Variants in RCL1 observed in about 807,000 individuals in gnomAD.
RCL1 encodes the protein RNA 3'-terminal phosphate cyclase-like protein.
RCL1 carries 24 observed loss-of-function variants against 42.4 expected under a neutral mutation model. The ratio of observed to expected loss-of-function variants is 0.57; its 90% CI spans 0.41 to 0.80. The LOEUF (loss-of-function observed/expected upper bound fraction) is 0.80, where lower values mean the gene tolerates loss of function less well. Ranked by LOEUF, RCL1 falls within the 30% of genes least tolerant of loss-of-function variation. The probability of loss-of-function intolerance (pLI) is 0.00; values close to 1 mark genes in which losing one functional copy is unlikely to be tolerated. For synonymous variants in RCL1, 228 were observed against 177.3 expected (o/e 1.29, Z -2.27); for missense variants, 578 against 467.9 (o/e 1.24, Z -2.17).
intron 8 of RCL1, among the ~76,000 whole-genome samples, chr9:4,855,755 A>G (rs181369480): frequency 4.4e-4 from 67 of 152,290 alleles, no homozygotes; most frequent in African/African-American, 1.6e-3. Flanking sequence ...CTAGTCTCTT[A>G]CACAGTCTTC....
chr9:4,817,110 C>T (rs920968783), intron 1 of RCL1, among the ~76,000 whole-genome samples: 1 of 146,224 alleles, frequency 6.8e-6, no homozygotes, highest in Non-Finnish European at 1.5e-5. Context: ...AGCCACTGTT[C>T]CCGGCCAATA....
chr9:4,858,433 G>A (rs80184488), intron 8 of RCL1, among the ~76,000 whole-genome samples: 4,978 of 152,202 alleles, frequency 0.033, 268 homozygotes, highest in African/African-American at 0.11. Flanking sequence ...AGAAACCGTT[G>A]CCTAGCCCAA....
At chr9:4,857,591 G>A (rs1259005549) in intron 8 of RCL1, among the ~76,000 whole-genome samples, 1 of 150,790 alleles carries the variant, frequency 6.6e-6, no homozygotes, top group Non-Finnish European at 1.5e-5. Flanking sequence ...AAGTTTTTGT[G>A]TGGGTGTATG....
In RCL1 at chr9:4,822,503, C is replaced by G. The variant is rs560605076; in HGVS notation, c.137-1045C>G. On this transcript the variant is annotated intron_variant, in intron 1 of 8. Transcript: ENST00000381750. The stretch of plus-strand genomic sequence containing the variant: ...TTTCCCCTTCTTTTTTCCTCTCCCC[C>G]TCTCTTTCTCTTTTAAACAATGACC... Among the ~76,000 whole-genome samples the G allele has an allele frequency of 2.6e-5, 4 of 152,130 alleles. No individual in the cohort carries two copies. In the East Asian group the frequency reaches 7.7e-4, roughly 29 times the overall value.
At chr9:4,851,104 T>G (rs141238207) in intron 8 of RCL1, among the ~76,000 whole-genome samples, 36 of 152,312 alleles carry the variant, frequency 2.4e-4, no homozygotes, top group African/African-American at 7.9e-4. Context: ...GCAGAGATGC[T>G]CAAGATATGA....
intron 1 of RCL1, among the ~76,000 whole-genome samples, chr9:4,819,184 G>A (rs936451525): frequency 1.3e-5 from 2 of 152,196 alleles, no homozygotes; most frequent in Non-Finnish European, 2.9e-5. Flanking sequence ...TTGGCAGAAT[G>A]GTTGAAGGAT....
chr9:4,796,125 ATGTT>A (rs1319241203), intron 1 of RCL1, among the ~76,000 whole-genome samples: 1 of 152,132 alleles, frequency 6.6e-6, no homozygotes, highest in African/African-American at 2.4e-5. Flanking sequence ...GTACATGTGC[ATGTT>A]TGTTACATGG....
At position 4,805,685 on chromosome 9, in the gene RCL1, G is replaced by C. The variant is rs780744091; in HGVS notation, c.136+12458G>C. Among the ~76,000 whole-genome samples the C allele has an allele frequency of 7.8e-4, 119 of 152,224 alleles. 2 individuals are homozygous for C. Among genetic ancestry groups the C allele is most frequent in the Middle Eastern group, 3.4e-3 (1 of 294 alleles). ...CAGGTGACTGGCAGTGGTGGGTGTA[G>C]CTGAGGGCTTGCGGGTGGTGCAGTG... On this transcript the variant is annotated intron_variant, in intron 1 of 8. Transcript: ENST00000381750.
chr9:4,828,635 G>A (rs1368680759), intron 3 of RCL1, among the ~76,000 whole-genome samples: 2 of 151,736 alleles, frequency 1.3e-5, no homozygotes, highest in Admixed American at 6.6e-5. Flanking sequence ...ATTTAGATTG[G>A]AAGAGAGAAA....
chr9:4,828,546 G>GT (rs35253567), intron 3 of RCL1, among the ~76,000 whole-genome samples: 98,366 of 145,486 alleles, frequency 0.68, 33,810 homozygotes, highest in East Asian at 0.91. Context: ...TTAATTAAGT[G>GT]TTTTTTTTTT....
intron 8 of RCL1, among the ~76,000 whole-genome samples, chr9:4,857,855 T>C (rs1474538920): frequency 1.3e-5 from 2 of 151,716 alleles, no homozygotes; most frequent in Admixed American, 6.6e-5. Flanking sequence ...TTCACTTCCC[T>C]AATAACCAGT....
chr9:4,815,432 A>C (rs759933077), intron 1 of RCL1, among the ~76,000 whole-genome samples: 6 of 145,324 alleles, frequency 4.1e-5, no homozygotes, highest in Non-Finnish European at 9.0e-5. Flanking sequence ...TTGAAGTCTT[A>C]AGCTGCAGTA....
Position 4,807,497 on chromosome 9 carries a change from C to A in RCL1, c.136+14270C>A, listed in dbSNP as rs910894032. On this transcript the variant is annotated intron_variant, in intron 1 of 8. Coordinates refer to ENST00000381750, the MANE Select transcript of RCL1 (RefSeq NM_005772.5). ...GTAATTTTTATTTTCTTTGAAACTCCTATCCTTTGACCTATGGTTATTTTT... is the reference window on the plus strand; with the variant it reads ...GTAATTTTTATTTTCTTTGAAACTCATATCCTTTGACCTATGGTTATTTTT... Among the ~76,000 whole-genome samples the A allele has an allele frequency of 3.9e-5, 6 of 152,058 alleles. No homozygotes were observed. The East Asian group carries it at 7.7e-4, about 20-fold the overall frequency.
chr9:4,844,732 TTC>T (rs765373569), intron 7 of RCL1, 51 bp downstream of exon 7: 1 of 1,556,332 alleles, frequency 6.4e-7, no homozygotes. Context: ...GCAGTTTGTT[TTC>T]TCATTCTCAT....
chr9:4,822,429 GTCT>G (rs1816624836), intron 1 of RCL1, among the ~76,000 whole-genome samples: 1 of 152,158 alleles, frequency 6.6e-6, no homozygotes, highest in African/African-American at 2.4e-5. Flanking sequence ...GACTGGAGGA[GTCT>G]TCACTTCTCC....
intron 3 of RCL1, among the ~76,000 whole-genome samples, chr9:4,831,544 G>A (rs964760685): frequency 6.6e-6 from 1 of 152,048 alleles, no homozygotes; most frequent in Non-Finnish European, 1.5e-5. Flanking sequence ...TGGCATGATC[G>A]TGGCTCACCA....
intron 8 of RCL1, 109 bp from the exon 9 acceptor site, chr9:4,860,016 T>G (rs1278417755): frequency 5.7e-6 from 4 of 699,082 alleles, no homozygotes; most frequent in Non-Finnish European, 9.0e-6. Context: ...GGTCTTAACT[T>G]CAGCCCTCTA....
At chr9:4,815,665 C>T (rs78914544) in intron 1 of RCL1, among the ~76,000 whole-genome samples, 7,820 of 151,886 alleles carry the variant, frequency 0.051, 273 homozygotes, top group African/African-American at 0.092. Context: ...GCTGCTTGCT[C>T]CTGGAGCAAG....
At chr9:4,845,022 C>T (rs1239571095) in intron 7 of RCL1, among the ~76,000 whole-genome samples, 1 of 152,130 alleles carries the variant, frequency 6.6e-6, no homozygotes, top group Non-Finnish European at 1.5e-5. Flanking sequence ...AGAGTACCAT[C>T]CCGGCACCCC....
Sources: allele counts gnomAD v4.1 joint callset (sites outside exome capture counted in the v4.1 genomes callset), GRCh38; gene constraint gnomAD v4.1.1; transcripts MANE v1.5; gene names NCBI Gene and HGNC (gene_info 2026-07-23, HGNC 2026-07-21).